The following RFX3 variants were observed in gnomAD, a reference collection of about 807,000 sequenced individuals.
The protein encoded by RFX3 is transcription factor RFX3.
In RFX3, 14 loss-of-function variants were observed where a neutral mutation model predicts 98.6. That is an observed-to-expected ratio of 0.14 (90% CI 0.09 to 0.22). The LOEUF (loss-of-function observed/expected upper bound fraction) is 0.22, where lower values mean the gene tolerates loss of function less well. RFX3 is among the 10% of genes least tolerant of loss of function. The pLI is 1.00. For missense variants in RFX3, 639 were observed against 926.9 expected (o/e 0.69, Z 4.03); for synonymous variants, 383 against 328.4 (o/e 1.17, Z -1.80).
At chr9:3,307,809 C>A (rs1829504673) in intron 4 of RFX3, among the ~76,000 whole-genome samples, 1 of 152,138 alleles carries the variant, frequency 6.6e-6, no homozygotes, top group African/African-American at 2.4e-5. Flanking sequence ...AACAAGAGGC[C>A]TTGTGACAAC....
chr9:3,340,161 C>T (rs1369370487), intron 3 of RFX3, among the ~76,000 whole-genome samples: 3 of 152,136 alleles, frequency 2.0e-5, no homozygotes, highest in Non-Finnish European at 1.5e-5. Context: ...GAAAGGATTC[C>T]CTATTTAATA....
rs1348104416 is a variant in RFX3 at position 3,427,369 on chromosome 9, ATT to A, written c.-8-31775_-8-31774del. 5.0e-5 allele frequency among the ~76,000 whole-genome samples: 7 copies of A among 139,208 alleles called. No individual in the cohort carries two copies. In the South Asian group the frequency reaches 1.1e-3, roughly 21 times the overall value. 91.3% of individuals were successfully genotyped at this position (139,208 alleles called of 152,430 possible). On this transcript the variant is annotated intron_variant, in intron 1 of 16. Coordinates refer to ENST00000617270, the MANE Select transcript of RFX3 (RefSeq NM_001282116.2). Reference sequence around the variant, plus strand: ...TACATAATACTATATATAAATATATATTGTTATTATATAATAATACAATATAT... The same window carrying A: ...TACATAATACTATATATAAATATATAGTTATTATATAATAATACAATATAT...
At chr9:3,436,932 C>G (rs1043447041) in intron 1 of RFX3, among the ~76,000 whole-genome samples, 1 of 151,696 alleles carries the variant, frequency 6.6e-6, no homozygotes, top group Non-Finnish European at 1.5e-5. Context: ...CTGCAGCCAA[C>G]TCTTCCTATT....
At chr9:3,251,014 T>A (rs1821324584) in intron 14 of RFX3, among the ~76,000 whole-genome samples, 1 of 152,288 alleles carries the variant, frequency 6.6e-6, no homozygotes, top group Admixed American at 6.5e-5. Flanking sequence ...CAATCGTATA[T>A]GAAGATAATC....
chr9:3,242,470 TAACAAGTCTATTGTTC>T (rs1016570424), intron 15 of RFX3, among the ~76,000 whole-genome samples: 1 of 152,186 alleles, frequency 6.6e-6, no homozygotes, highest in East Asian at 1.9e-4. Flanking sequence ...AATACTGTTG[TAACAAGTCTATTGTTC>T]AACAGGCACA....
At position 3,438,369 on chromosome 9, in the gene RFX3, A is replaced by C. The variant is rs147622569; in HGVS notation, c.-8-42773T>G. Among the ~76,000 whole-genome samples, 824 of 152,216 alleles carry C rather than the reference A, an allele frequency of 5.4e-3. 6 individuals are homozygous for C. The highest frequency in any genetic ancestry group is 0.019 in the African/African-American group (801 of 41,554). ...ATACAGTAAGTCTATATCTATCTTT[A>C]AATAAATTGGAGCTAGGTCAAGAGG... On this transcript the variant is annotated intron_variant, in intron 1 of 16. Transcript: ENST00000617270.
chr9:3,356,950 C>T (rs1291780134), intron 2 of RFX3, among the ~76,000 whole-genome samples: 1 of 139,808 alleles, frequency 7.2e-6, no homozygotes, highest in African/African-American at 3.2e-5. Context: ...AACACACACA[C>T]ACATACACAC....
chr9:3,245,532 T>C (rs967061489), intron 15 of RFX3, among the ~76,000 whole-genome samples: 1 of 152,148 alleles, frequency 6.6e-6, no homozygotes, highest in South Asian at 2.1e-4. Flanking sequence ...GACTGCACTC[T>C]GAGGGATTTG....
At chr9:3,270,876 C>A (rs1166742355) in intron 10 of RFX3, 127 bp downstream of exon 10, 2 of 1,368,278 alleles carry the variant, frequency 1.5e-6, no homozygotes, top group African/African-American at 2.9e-5. Flanking sequence ...TCTAGGATGG[C>A]CAAAACATCA....
At chr9:3,284,031 T>C (rs939423426) in intron 7 of RFX3, among the ~76,000 whole-genome samples, 1 of 151,756 alleles carries the variant, frequency 6.6e-6, no homozygotes, top group Non-Finnish European at 1.5e-5. Context: ...TCCTTCCTTC[T>C]CTAACATTCT....
rs139464527 is a variant in RFX3, at chr9:3,462,353, T to C, written c.-9+63394A>G. Among the ~76,000 whole-genome samples, 269 of 152,066 alleles carry C rather than the reference T, an allele frequency of 1.8e-3. 1 individual carries two copies. Among genetic ancestry groups the C allele is most frequent in the African/African-American group, 6.2e-3 (259 of 41,548 alleles). On this transcript the variant is annotated intron_variant, in intron 1 of 16. Coordinates refer to ENST00000617270, the MANE Select transcript of RFX3 (RefSeq NM_001282116.2). ...AAGGTCATCTCAATTTAACATTCAC[T>C]CATAAATAACCCTCAGCAAACTGGC...
intron 1 of RFX3, among the ~76,000 whole-genome samples, chr9:3,487,018 A>C (rs886778629): frequency 7.9e-5 from 12 of 152,022 alleles, no homozygotes; most frequent in African/African-American, 2.9e-4. Flanking sequence ...CATAACCTAG[A>C]ATTTTCTCTT....
intron 15 of RFX3, among the ~76,000 whole-genome samples, chr9:3,232,975 GT>G (rs1818672198): frequency 6.6e-6 from 1 of 152,210 alleles, no homozygotes; most frequent in East Asian, 1.9e-4. Context: ...CATTCCATCA[GT>G]CAGAGAGATA....
At chr9:3,404,578 G>A (rs1172202358) in intron 1 of RFX3, among the ~76,000 whole-genome samples, 2 of 151,868 alleles carry the variant, frequency 1.3e-5, no homozygotes, top group African/African-American at 4.8e-5. Context: ...TTACTATATA[G>A]CTATATTATC....
intron 2 of RFX3, among the ~76,000 whole-genome samples, chr9:3,359,495 C>G (rs1269703489): frequency 6.6e-6 from 1 of 152,048 alleles, no homozygotes; most frequent in Non-Finnish European, 1.5e-5. Context: ...GACCACAGAG[C>G]CAGTCTATCA....
intron 14 of RFX3, among the ~76,000 whole-genome samples, chr9:3,255,484 C>A (rs1025037718): frequency 6.6e-6 from 1 of 152,204 alleles, no homozygotes; most frequent in East Asian, 1.9e-4. Context: ...CATGGCTGCA[C>A]AGAATCTACA....
At chr9:3,490,398 A>G (rs540316406) in intron 1 of RFX3, 41 of 579,158 alleles carry the variant, frequency 7.1e-5, no homozygotes, top group Non-Finnish European at 8.5e-5. Flanking sequence ...GAATTTTTTG[A>G]TATGTAGAAG....
At chr9:3,311,682 C>G (rs751662302) in intron 4 of RFX3, among the ~76,000 whole-genome samples, 1 of 152,088 alleles carries the variant, frequency 6.6e-6, no homozygotes, top group Non-Finnish European at 1.5e-5. Context: ...GTTAGGAGTT[C>G]AAGACCAGCC....
intron 1 of RFX3, among the ~76,000 whole-genome samples, chr9:3,434,733 G>C (rs922435562): frequency 3.3e-5 from 5 of 151,906 alleles, no homozygotes; most frequent in African/African-American, 4.8e-5. Flanking sequence ...CTCAGCCATG[G>C]GTGTCTTCTT....
Sources: gnomAD v4.1 joint callset for allele counts (sites outside exome capture counted in the v4.1 genomes callset) on GRCh38, gnomAD v4.1.1 for gene constraint, MANE v1.5 for transcripts, NCBI Gene and HGNC (gene_info 2026-07-23, HGNC 2026-07-21) for gene names.